Variants in RAD51B observed in about 807,000 individuals in gnomAD.
RAD51B encodes RAD51 paralog B, also known as DNA repair protein RAD51 homolog 2.
A neutral mutation model predicts 42.2 loss-of-function variants in RAD51B; 38 were observed. That is an observed-to-expected ratio of 0.90 (90% confidence interval 0.70 to 1.18). The LOEUF (loss-of-function observed/expected upper bound fraction) is 1.18. RAD51B is among the 50% of genes most tolerant of loss of function. The probability of loss-of-function intolerance (pLI) is 0.00; values close to 1 mark genes in which losing one functional copy is unlikely to be tolerated. For synonymous variants in RAD51B, 154 were observed against 145.2 expected (o/e 1.06, Z -0.43); for missense variants, 373 against 400.7 (o/e 0.93, Z 0.59).
At chr14:68,357,589 T>A (rs1306025515) in intron 8 of RAD51B, among the ~76,000 whole-genome samples, 2 of 152,150 alleles carry the variant, frequency 1.3e-5, no homozygotes, top group African/African-American at 4.8e-5. Flanking sequence ...CAAATTGTAT[T>A]TCTTAAATAA....
At chr14:68,387,118 C>T (rs1359738968) in intron 8 of RAD51B, 1 of 152,188 alleles carries the variant, frequency 6.6e-6, no homozygotes, top group Non-Finnish European at 1.5e-5. Flanking sequence ...TCCAGTTCCA[C>T]GTTTAACTGA....
chr14:68,515,544 G>A (rs1380419093), intron 10 of RAD51B, among the ~76,000 whole-genome samples: 2 of 148,700 alleles, frequency 1.3e-5, no homozygotes, highest in Admixed American at 1.3e-4. Context: ...AACCTCCTGG[G>A]ATTAAGTGAT....
intron 7 of RAD51B, among the ~76,000 whole-genome samples, chr14:68,184,230 A>AT (rs1382957234): frequency 2.6e-5 from 4 of 151,918 alleles, no homozygotes; most frequent in South Asian, 2.1e-4. Context: ...TTATAGTGAG[A>AT]TTTTTTAAAA....
intron 7 of RAD51B, among the ~76,000 whole-genome samples, chr14:68,143,236 A>G (rs181259488): frequency 3.5e-4 from 53 of 152,298 alleles, no homozygotes; most frequent in East Asian, 3.5e-3. Context: ...GCTGGGTTAG[A>G]TGATCTCCAA....
chr14:68,010,970 G>C (rs61171876), intron 7 of RAD51B, among the ~76,000 whole-genome samples: 71 of 151,894 alleles, frequency 4.7e-4, no homozygotes, highest in African/African-American at 1.7e-3. Context: ...AAGTTTCTTT[G>C]TAGTTTGGAT....
At chr14:68,397,017 C>T (rs2083943135) in intron 8 of RAD51B, among the ~76,000 whole-genome samples, 1 of 152,240 alleles carries the variant, frequency 6.6e-6, no homozygotes, top group South Asian at 2.1e-4. Flanking sequence ...TGTAGCGCAG[C>T]TTCCTTCACT....
At chr14:68,041,361 C>T (rs1022473726) in intron 7 of RAD51B, among the ~76,000 whole-genome samples, 1 of 152,140 alleles carries the variant, frequency 6.6e-6, no homozygotes, top group Non-Finnish European at 1.5e-5. Flanking sequence ...GTCTCCTTGT[C>T]TCTCTGTAGT....
At chr14:68,571,911 C>T (rs554605059) in intron 10 of RAD51B, among the ~76,000 whole-genome samples, 332 of 152,164 alleles carry the variant, frequency 2.2e-3, no homozygotes, top group African/African-American at 7.5e-3. Flanking sequence ...AGTGAGCAGC[C>T]GCTAAGGGGA....
chr14:68,387,206 G>A (rs2083613622), intron 8 of RAD51B: 2 of 152,200 alleles, frequency 1.3e-5, no homozygotes, highest in African/African-American at 4.8e-5. Flanking sequence ...CTGATAGAAA[G>A]GCTGTTATTT....
At chr14:68,595,815 A>G (rs1015748178) in exon 11 of RAD51B, 8 of 304,036 alleles carry the variant, frequency 2.6e-5, no homozygotes, top group Middle Eastern at 1.0e-3. Flanking sequence ...ATAAAGCAAT[A>G]TGCATACAAT....
intron 7 of RAD51B, among the ~76,000 whole-genome samples, chr14:68,134,852 C>T (rs1379269563): frequency 6.6e-6 from 1 of 151,050 alleles, no homozygotes; most frequent in African/African-American, 2.4e-5. Flanking sequence ...ATATGGTTTA[C>T]AAATATTTTC....
At chr14:68,404,373 G>T (rs2084205038) in intron 8 of RAD51B, among the ~76,000 whole-genome samples, 1 of 152,118 alleles carries the variant, frequency 6.6e-6, no homozygotes, top group Admixed American at 6.5e-5. Context: ...AGGTCATCTT[G>T]CAGGAAATCA....
At position 67,977,092 on chromosome 14, in the gene RAD51B, C is replaced by T. The variant is rs1408404854; in HGVS notation, c.756+89888C>T. Among the ~76,000 whole-genome samples, 3 of 152,298 alleles carry T rather than the reference C, an allele frequency of 2.0e-5. No individual in the cohort carries two copies. The East Asian group carries it at 5.8e-4, about 29-fold the overall frequency. On this transcript the variant is annotated intron_variant, in intron 7 of 10. Transcript: ENST00000471583. The stretch of plus-strand genomic sequence containing the variant: ...CTCTAGTTTTTAATCTTTGAATTCT[C>T]GTTGCATTAACACTCAGTACCAAAC...
At chr14:68,496,957 A>G (rs974952031) in intron 10 of RAD51B, among the ~76,000 whole-genome samples, 2 of 152,198 alleles carry the variant, frequency 1.3e-5, no homozygotes, top group Non-Finnish European at 2.9e-5. Context: ...CGAAACTACA[A>G]GTTCTCTCTC....
intron 9 of RAD51B, among the ~76,000 whole-genome samples, chr14:68,415,431 C>T (rs963989843): frequency 6.6e-6 from 1 of 152,212 alleles, no homozygotes; most frequent in Non-Finnish European, 1.5e-5. Flanking sequence ...CACCTCTTCT[C>T]TGCTAGTCAC....
intron 11 of RAD51B, among the ~76,000 whole-genome samples, chr14:68,651,998 G>A (rs1892710832): frequency 6.6e-6 from 1 of 152,208 alleles, no homozygotes; most frequent in African/African-American, 2.4e-5. Flanking sequence ...GGGGGCATGA[G>A]TTGGATTAGG....
At chr14:68,532,574 A>G (rs1887378223) in intron 10 of RAD51B, among the ~76,000 whole-genome samples, 1 of 152,218 alleles carries the variant, frequency 6.6e-6, no homozygotes, top group African/African-American at 2.4e-5. Flanking sequence ...CCCATGTAGG[A>G]AATGACTTGC....
intron 11 of RAD51B, among the ~76,000 whole-genome samples, chr14:68,667,089 G>T (rs545100636): frequency 1.8e-4 from 27 of 152,360 alleles, no homozygotes; most frequent in African/African-American, 6.5e-4. Flanking sequence ...GACTAATGTA[G>T]ATGTATCTAG....
intron 7 of RAD51B, among the ~76,000 whole-genome samples, chr14:68,076,722 A>G (rs1264971476): frequency 6.6e-6 from 1 of 152,214 alleles, no homozygotes; most frequent in East Asian, 1.9e-4. Context: ...GATATTTTAC[A>G]TGTATTGAAA....
Sources: gnomAD v4.1 joint callset for allele counts (sites outside exome capture counted in the v4.1 genomes callset) on GRCh38, gnomAD v4.1.1 for gene constraint, MANE v1.5 for transcripts, NCBI Gene and HGNC (gene_info 2026-07-23, HGNC 2026-07-21) for gene names.